PSMG2: variants seen among roughly 807,000 people sequenced by gnomAD.
The protein encoded by PSMG2 is proteasome assembly chaperone 2.
PSMG2 carries 21 observed loss-of-function variants against 31.5 expected under a neutral mutation model. The ratio of observed to expected loss-of-function variants is 0.67; its 90% confidence interval spans 0.47 to 0.96. The LOEUF (loss-of-function observed/expected upper bound fraction) is 0.96. Ranked by LOEUF, PSMG2 falls within the 40% of genes least tolerant of loss-of-function variation. The pLI, the probability that PSMG2 is intolerant of heterozygous loss-of-function variation, is 0.00. For synonymous variants in PSMG2, 120 were observed against 110.4 expected (o/e 1.09, Z -0.54); for missense variants, 318 against 321.2 (o/e 0.99, Z 0.08).
chr18:12,700,440 A>C (rs1343985203), upstream of PSMG2: 1 of 152,768 alleles, frequency 6.5e-6, no homozygotes, highest in Non-Finnish European at 1.5e-5. Context: ...CCTCACTTTC[A>C]AATGAAGGCC....
intron 1 of PSMG2, among the ~76,000 whole-genome samples, chr18:12,669,644 T>C (rs2038889586): frequency 2.0e-5 from 3 of 152,202 alleles, no homozygotes; most frequent in Admixed American, 6.5e-5. Context: ...TTTTAAACTT[T>C]ACATTTTTAA....
chr18:12,683,574 A>C (rs559208105), intron 1 of PSMG2, among the ~76,000 whole-genome samples: 1 of 152,036 alleles, frequency 6.6e-6, no homozygotes, highest in South Asian at 2.1e-4. Context: ...AACACAGTGA[A>C]ACCCCATCTC....
intron 1 of PSMG2, among the ~76,000 whole-genome samples, chr18:12,664,698 CTTTT>C (rs76222169): frequency 1.5e-5 from 2 of 137,610 alleles, no homozygotes. Context: ...TTGTCCTGAT[CTTTT>C]TTTTTTTTTT....
At chr18:12,671,132 G>GGT (rs1001864950) in intron 1 of PSMG2, 3 of 149,368 alleles carry the variant, frequency 2.0e-5, no homozygotes, top group Non-Finnish European at 1.5e-5. Flanking sequence ...TAGAGAAATA[G>GGT]GGGGGGGTCT....
chr18:12,673,739 C>G (rs940439145), intron 1 of PSMG2, among the ~76,000 whole-genome samples: 7 of 151,870 alleles, frequency 4.6e-5, no homozygotes, highest in African/African-American at 1.7e-4. Context: ...AAATTAGCCG[C>G]GTGTGGTGGC....
chr18:12,712,245 C>G (rs1217253164), intron 2 of PSMG2, among the ~76,000 whole-genome samples: 2 of 152,206 alleles, frequency 1.3e-5, no homozygotes, highest in African/African-American at 4.8e-5. Flanking sequence ...GTACCTATTT[C>G]AGGATTTTAT....
chr18:12,725,739 A>C lies in PSMG2; in HGVS notation c.*208A>C. On this transcript the variant is annotated 3_prime_UTR_variant, in exon 7 of 7. Transcript: ENST00000317615. ...TACAATAAAATTTTATTTCCTAAGT[A>C]ATTTTGTCTTAAATGTATTTTTTTT... 1 of 414,292 alleles carries C rather than the reference A, an allele frequency of 2.4e-6. No individual in the cohort carries two copies. Among genetic ancestry groups the C allele is most frequent in the Non-Finnish European group, 4.2e-6 (1 of 236,766 alleles). The allele number at this position is 414,292 out of a possible 1,614,324, so 25.7% of individuals were successfully genotyped here.
intron 1 of PSMG2, chr18:12,691,251 CTTTTA>C (rs2039751042): frequency 1.1e-5 from 8 of 699,084 alleles, no homozygotes; most frequent in Non-Finnish European, 1.5e-5. Context: ...TACAAATACA[CTTTTA>C]TTTTTTGGAA....
At chr18:12,710,858 G>A (rs2040322738) in intron 2 of PSMG2, among the ~76,000 whole-genome samples, 1 of 152,170 alleles carries the variant, frequency 6.6e-6, no homozygotes, top group Admixed American at 6.5e-5. Context: ...CTAGCGCTTT[G>A]GGAGGCCAAG....
intron 1 of PSMG2, among the ~76,000 whole-genome samples, chr18:12,680,258 T>G (rs1023669290): frequency 2.0e-5 from 3 of 152,076 alleles, no homozygotes; most frequent in African/African-American, 7.2e-5. Flanking sequence ...ACACGTACCT[T>G]CAAGTACCAT....
At chr18:12,668,696 A>G (rs2038860031) in intron 1 of PSMG2, among the ~76,000 whole-genome samples, 1 of 149,990 alleles carries the variant, frequency 6.7e-6, no homozygotes, top group African/African-American at 2.4e-5. Flanking sequence ...AAGAAGATTC[A>G]ACTATGTGTT....
upstream of PSMG2, chr18:12,699,896 C>A: frequency 6.3e-7 from 1 of 1,587,268 alleles, no homozygotes; most frequent in Non-Finnish European, 8.6e-7. Context: ...AGTTCTTGCT[C>A]AACACTGTCC....
chr18:12,705,564 A>AGTGTGT (rs1384396060), intron 1 of PSMG2, among the ~76,000 whole-genome samples: 5 of 127,124 alleles, frequency 3.9e-5, no homozygotes, highest in African/African-American at 1.5e-4. Flanking sequence ...AGAGAGAGAG[A>AGTGTGT]GAGAGAGAGA....
chr18:12,717,498 C>G (rs1027181939), intron 3 of PSMG2, among the ~76,000 whole-genome samples: 9 of 152,326 alleles, frequency 5.9e-5, no homozygotes, highest in Admixed American at 5.9e-4. Flanking sequence ...TCGAAACAAT[C>G]CAGAAGTAGG....
At chr18:12,664,041 G>C (rs1180158913) in intron 1 of PSMG2, among the ~76,000 whole-genome samples, 1 of 152,234 alleles carries the variant, frequency 6.6e-6, no homozygotes, top group Admixed American at 6.5e-5. Flanking sequence ...GTGCATGCCT[G>C]TAATCCCAGC....
chr18:12,680,316 C>A (rs2039299400), intron 1 of PSMG2, among the ~76,000 whole-genome samples: 1 of 152,128 alleles, frequency 6.6e-6, no homozygotes, highest in African/African-American at 2.4e-5. Flanking sequence ...ATAACTTAAG[C>A]CGGACACAGT....
chr18:12,698,717 T>A (rs1364694878), upstream of PSMG2: 2 of 423,068 alleles, frequency 4.7e-6, no homozygotes, highest in East Asian at 7.9e-5. Flanking sequence ...CATAACACTA[T>A]GCACATAATA....
In PSMG2 at chr18:12,677,184, G is replaced by A. The variant is rs148764950; in HGVS notation, c.-37+18411G>A. On this transcript the variant is annotated intron_variant, in intron 1 of 6. Coordinates refer to the PSMG2 transcript ENST00000585331. ...GAGGCTTGATCTGGCTGGGCGCAGT[G>A]GCTCACAACTGTAATCCCAGCACTT... Among the ~76,000 whole-genome samples, 174 of 152,186 alleles carry A rather than the reference G, an allele frequency of 1.1e-3. 1 individual carries two copies. Among genetic ancestry groups the A allele is most frequent in the East Asian group, 7.1e-3 (37 of 5,182 alleles).
At chr18:12,669,057 T>TTTG (rs1465490040) in intron 1 of PSMG2, among the ~76,000 whole-genome samples, 3 of 128,834 alleles carry the variant, frequency 2.3e-5, no homozygotes, top group Non-Finnish European at 3.4e-5. Context: ...TTTTTTTTTT[T>TTTG]TGAGACAGAG....
Sources: allele counts gnomAD v4.1 joint callset (sites outside exome capture counted in the v4.1 genomes callset), GRCh38; gene constraint gnomAD v4.1.1; transcripts MANE v1.5; gene names NCBI Gene and HGNC (gene_info 2026-07-23, HGNC 2026-07-21).